CA10: variants seen among roughly 807,000 people sequenced by gnomAD.
CA10 encodes the protein carbonic anhydrase-related protein 10.
A neutral mutation model predicts 44.2 loss-of-function variants in CA10; 14 were observed. That is an observed-to-expected ratio of 0.32 (90% CI 0.21 to 0.50). The LOEUF is 0.50. Ranked by LOEUF, CA10 falls within the 20% of genes least tolerant of loss-of-function variation. The pLI is 0.99. For synonymous variants in CA10, 159 were observed against 141.6 expected (o/e 1.12, Z -0.87); for missense variants, 350 against 409.7 (o/e 0.85, Z 1.26).
Position 51,729,270 on chromosome 17 carries a change from G to C in CA10, c.465+18363C>G, listed in dbSNP as rs114660099. ...ATGGAGAAACTGTTCTCCTTTTTAC[G>C]CTCATGGTCATCTCCCTCACTTCTC... On this transcript the variant is annotated intron_variant, in intron 4 of 8. Coordinates refer to ENST00000451037, the MANE Select transcript of CA10 (RefSeq NM_020178.5). Among the ~76,000 whole-genome samples the C allele has an allele frequency of 5.8e-3, 875 of 152,170 alleles. 6 individuals carry two copies. The highest frequency in any genetic ancestry group is 0.02 in the African/African-American group (829 of 41,516).
At chr17:52,090,985 T>G (rs977903705) in intron 1 of CA10, among the ~76,000 whole-genome samples, 1 of 152,154 alleles carries the variant, frequency 6.6e-6, no homozygotes, top group Non-Finnish European at 1.5e-5. Context: ...AATAACAGGA[T>G]TTTGAACAAT....
In CA10 at chr17:51,769,567, A is replaced by T. The variant is rs1191957666; in HGVS notation, c.280-21749T>A. ...TAAAACCCTGACATCAGTCTAGCAG[A>T]ATTGGTAGACATCAGCTATATGTAA... On this transcript the variant is annotated intron_variant, in intron 3 of 8. Coordinates refer to ENST00000451037, the MANE Select transcript of CA10 (RefSeq NM_020178.5). Among the ~76,000 whole-genome samples the T allele has an allele frequency of 2.6e-5, 4 of 152,202 alleles. No individual in the cohort carries two copies. The South Asian group carries it at 6.2e-4, about 24-fold the overall frequency.
At chr17:51,871,868 C>T (rs1352465338) in intron 3 of CA10, among the ~76,000 whole-genome samples, 1 of 152,148 alleles carries the variant, frequency 6.6e-6, no homozygotes, top group Non-Finnish European at 1.5e-5. Context: ...GAGAGTTCAT[C>T]ATGTACCTTC....
At chr17:51,679,397 C>T (rs1279398787) in intron 4 of CA10, among the ~76,000 whole-genome samples, 1 of 151,506 alleles carries the variant, frequency 6.6e-6, no homozygotes. Flanking sequence ...GTAGCTGGGA[C>T]TACAAGTGCC....
rs537602335 is a variant in CA10 at position 51,741,754 on chromosome 17, G to A, written c.465+5879C>T. ...CCAAGGTCATTTATTCCCTCATTCA[G>A]TAAATATTTATTGACTATCCTCAAG... On this transcript the variant is annotated intron_variant, in intron 4 of 8. Transcript: ENST00000451037. Among the ~76,000 whole-genome samples the A allele has an allele frequency of 3.9e-5, 6 of 152,286 alleles. No homozygotes were observed. The East Asian group carries it at 7.7e-4, about 20-fold the overall frequency.
At chr17:51,735,382 AG>A (rs1916866479) in intron 4 of CA10, among the ~76,000 whole-genome samples, 1 of 152,044 alleles carries the variant, frequency 6.6e-6, no homozygotes, top group African/African-American at 2.4e-5. Context: ...GGACTACTGG[AG>A]GGGCAGGGAG....
At chr17:51,781,046 G>A (rs1354420597) in intron 3 of CA10, among the ~76,000 whole-genome samples, 2 of 152,182 alleles carry the variant, frequency 1.3e-5, no homozygotes, top group Non-Finnish European at 2.9e-5. Context: ...TCTATCATAA[G>A]TAGTTCAGGA....
intron 2 of CA10, among the ~76,000 whole-genome samples, chr17:52,038,254 C>G (rs745732111): frequency 6.6e-6 from 1 of 151,998 alleles, no homozygotes; most frequent in African/African-American, 2.4e-5. Flanking sequence ...GGACGGCTTA[C>G]GAAGAAGAGG....
chr17:52,140,124 TG>T (rs1989445165), intron 1 of CA10, among the ~76,000 whole-genome samples: 1 of 152,156 alleles, frequency 6.6e-6, no homozygotes, highest in Non-Finnish European at 1.5e-5. Context: ...TACAGAAATT[TG>T]GGGAGTGATA....
At chr17:51,772,844 A>C (rs1905662477) in intron 3 of CA10, among the ~76,000 whole-genome samples, 1 of 152,076 alleles carries the variant, frequency 6.6e-6, no homozygotes, top group Admixed American at 6.6e-5. Context: ...TTACTCTAAA[A>C]CCCATGCTTT....
At chr17:51,964,818 G>A (rs966584897) in intron 2 of CA10, among the ~76,000 whole-genome samples, 1 of 151,762 alleles carries the variant, frequency 6.6e-6, no homozygotes, top group Non-Finnish European at 1.5e-5. Flanking sequence ...TCTCAAATTA[G>A]TGATCTATCA....
At chr17:51,870,015 C>T (rs571979460) in intron 3 of CA10, among the ~76,000 whole-genome samples, 5 of 152,286 alleles carry the variant, frequency 3.3e-5, no homozygotes, top group Admixed American at 3.3e-4. Flanking sequence ...ATCCTCAGAC[C>T]TTCCTGCCCA....
At chr17:51,654,612 A>AGG (rs1913718871) in intron 4 of CA10, among the ~76,000 whole-genome samples, 1 of 151,122 alleles carries the variant, frequency 6.6e-6, no homozygotes, top group Non-Finnish European at 1.5e-5. Flanking sequence ...GCTGGAGTGC[A>AGG]GTGGCGCGAT....
At position 51,803,891 on chromosome 17, in the gene CA10, C is replaced by T. The variant is rs79569980; in HGVS notation, c.280-56073G>A. Among the ~76,000 whole-genome samples, 437 of 152,310 alleles carry T rather than the reference C, an allele frequency of 2.9e-3. 2 individuals are homozygous for T. Among genetic ancestry groups the T allele is most frequent in the African/African-American group, 0.01 (420 of 41,568 alleles). On this transcript the variant is annotated intron_variant, in intron 3 of 8. Coordinates refer to ENST00000451037, the MANE Select transcript of CA10 (RefSeq NM_020178.5). ...CAATGATAATCAAAGAGTCTTTCTT[C>T]TACGTTGTATTTCGTATGAATTGTG...
chr17:51,813,132 T>G (rs1004289031), intron 3 of CA10, among the ~76,000 whole-genome samples: 3 of 152,166 alleles, frequency 2.0e-5, no homozygotes, highest in African/African-American at 7.2e-5. Context: ...AGATTAAAAA[T>G]TATACCACCA....
chr17:52,097,585 G>T (rs902161006), intron 1 of CA10, among the ~76,000 whole-genome samples: 1 of 152,160 alleles, frequency 6.6e-6, no homozygotes, highest in Non-Finnish European at 1.5e-5. Context: ...CACGGAATAA[G>T]TCTGACCTTT....
At chr17:52,144,598 T>C (rs16951034) in intron 1 of CA10, among the ~76,000 whole-genome samples, 20,718 of 152,220 alleles carry the variant, frequency 0.14, 1,906 homozygotes, top group East Asian at 0.31. Flanking sequence ...ATCTCCCTTC[T>C]TATTACCTTT....
intron 1 of CA10, among the ~76,000 whole-genome samples, chr17:52,133,439 G>A (rs1803518423): frequency 1.3e-5 from 2 of 152,116 alleles, no homozygotes; most frequent in African/African-American, 4.8e-5. Context: ...GAAAGTCAGT[G>A]AAGAGGTGGA....
intron 3 of CA10, among the ~76,000 whole-genome samples, chr17:51,755,336 A>G (rs1388934279): frequency 2.0e-5 from 3 of 152,190 alleles, no homozygotes; most frequent in African/African-American, 7.2e-5. Flanking sequence ...TACACATGTC[A>G]AAGGTCTTTT....
Sources: gnomAD v4.1 joint callset for allele counts (sites outside exome capture counted in the v4.1 genomes callset) on GRCh38, gnomAD v4.1.1 for gene constraint, MANE v1.5 for transcripts, NCBI Gene and HGNC (gene_info 2026-07-23, HGNC 2026-07-21) for gene names.